SYNPO2L: variants seen among roughly 807,000 people sequenced by gnomAD.
The protein encoded by SYNPO2L is synaptopodin 2 like.
In SYNPO2L, 34 loss-of-function variants were observed where a neutral mutation model predicts 47.5. The observed-to-expected ratio is 0.72, with a 90% CI of 0.54 to 0.95. The LOEUF (loss-of-function observed/expected upper bound fraction) is 0.95, where lower values mean the gene tolerates loss of function less well. Among genes scored for constraint, SYNPO2L ranks in the 40% least tolerant of loss-of-function variants. The pLI, the probability that SYNPO2L is intolerant of heterozygous loss-of-function variation, is 0.00. For synonymous variants in SYNPO2L, 536 were observed against 524.9 expected, an observed-to-expected ratio of 1.02 and a Z score of -0.29; for missense variants, 1,246 against 1,282.0, an observed-to-expected ratio of 0.97 and a Z score of 0.43.
chr10:73,651,058 A>G, intron 3 of SYNPO2L: 1 of 1,565,738 alleles, frequency 6.4e-7, no homozygotes, highest in South Asian at 1.2e-5. Context: ...GCCACCCCCC[A>G]CGCCTTTTAA....
At position 73,648,857 on chromosome 10, in the gene SYNPO2L, G is replaced by C; in HGVS notation, c.795C>G (p.Leu265=). Residue 265 remains leucine (L), a synonymous_variant, in exon 4 of 4, where the codon CTC becomes CTG. Transcript: ENST00000394810. ...KQAKLQRAES[L]QEKSIKEAKT... Reference sequence around the variant, plus strand: ...TGGCCTCTTTTATGCTCTTCTCTTGGAGGCTCTCTGCACGTTGCAGTTCTG... The same window carrying C: ...TGGCCTCTTTTATGCTCTTCTCTTGCAGGCTCTCTGCACGTTGCAGTTCTG... The C allele has an allele frequency of 6.5e-7, 1 of 1,532,192 alleles. No homozygotes were observed. The highest frequency in any genetic ancestry group is 8.8e-7 in the Non-Finnish European group (1 of 1,140,110). 94.9% of individuals were successfully genotyped at this position (1,532,192 alleles called of 1,614,324 possible).
At position 73,650,922 on chromosome 10, in the gene SYNPO2L, T is replaced by G. The variant is rs1167028943; in HGVS notation, c.773-2043A>C. 4 of 1,612,844 alleles carry G rather than the reference T, an allele frequency of 2.5e-6. No homozygotes were observed. The South Asian group carries it at 4.4e-5, about 18-fold the overall frequency. On this transcript the variant is annotated intron_variant, in intron 3 of 3. Coordinates refer to ENST00000394810, the MANE Select transcript of SYNPO2L (RefSeq NM_001114133.3). ...GAGGGTAGTACCTGCATAGAACGAG[T>G]CTTGGAGCTCAGGAACTGGGTCTGG...
In SYNPO2L at chr10:73,646,667, CT is replaced by C; in HGVS notation, c.*50del. On this transcript the variant is annotated 3_prime_UTR_variant, in exon 4 of 4. Coordinates refer to ENST00000394810, the MANE Select transcript of SYNPO2L (RefSeq NM_001114133.3). ...GGATGGGATAGGGTAGGAGAAGCAA[CT>C]TTAGGAACTGGATGTTCCACCTCTC... is the stretch of plus-strand genomic sequence containing the variant. The C allele has an allele frequency of 7.1e-7, 1 of 1,407,386 alleles. No individual in the cohort carries two copies. Among genetic ancestry groups the C allele is most frequent in the Non-Finnish European group, 9.3e-7 (1 of 1,075,886 alleles). 87.2% of individuals were successfully genotyped at this position (1,407,386 alleles called of 1,614,324 possible).
rs753204129 is a variant in SYNPO2L, at chr10:73,650,806, AC to A, written c.773-1928del. The A allele has an allele frequency of 1.2e-3, 1,627 of 1,400,052 alleles. 5 individuals carry two copies. Among genetic ancestry groups the A allele is most frequent in the Admixed American group, 1.4e-3 (50 of 35,140 alleles). 86.7% of individuals were successfully genotyped at this position (1,400,052 alleles called of 1,614,324 possible). ...AGGAGGAAGAGGACAGCAAAAAGGAACAAGAGAGTAAGACCTTTCCCAAAGA... is the reference window on the plus strand; with the variant it reads ...AGGAGGAAGAGGACAGCAAAAAGGAAAAGAGAGTAAGACCTTTCCCAAAGA... On this transcript the variant is annotated intron_variant, in intron 3 of 3. Coordinates refer to ENST00000394810, the MANE Select transcript of SYNPO2L (RefSeq NM_001114133.3).
Position 73,648,200 on chromosome 10 carries a change from C to T in SYNPO2L, c.1452G>A (p.Ser484=). The T allele has an allele frequency of 6.4e-7, 1 of 1,573,540 alleles. No individual in the cohort carries two copies. Among genetic ancestry groups the T allele is most frequent in the Non-Finnish European group, 8.6e-7 (1 of 1,162,002 alleles). The part of the protein sequence containing the change: ...GLQGQRPTTT[S]VIFRPLAPKR... ...TGGGGGCTAAAGGCCGGAAAATAACCGAGGTGGTAGTTGGCCGCTGCCCTT... is the reference window on the plus strand; with the variant it reads ...TGGGGGCTAAAGGCCGGAAAATAACTGAGGTGGTAGTTGGCCGCTGCCCTT... The change falls in exon 4 of 4, where the codon TCG becomes TCA. Residue 484 remains serine, a synonymous_variant. Transcript: ENST00000394810.
Position 73,648,179 on chromosome 10 carries a change from G to T in SYNPO2L, c.1473C>A (p.Ala491=). The change falls in exon 4 of 4, where the codon GCC becomes GCA. Residue 491 remains alanine (A), a synonymous_variant. Coordinates refer to ENST00000394810, the MANE Select transcript of SYNPO2L (RefSeq NM_001114133.3). ...TTTSVIFRPL[A]PKRANDSLGG... ...CCAGGCTGTCGTTCGCCCTTTTGGG[G>T]GCTAAAGGCCGGAAAATAACCGAGG... is the stretch of plus-strand genomic sequence containing the variant. 6.4e-7 allele frequency: 1 copy of T among 1,564,210 alleles called. No homozygotes were observed. Among genetic ancestry groups the T allele is most frequent in the Non-Finnish European group, 8.6e-7 (1 of 1,157,196 alleles).
chr10:73,652,806 T>C (rs1431542007), intron 3 of SYNPO2L, among the ~76,000 whole-genome samples: 1 of 152,194 alleles, frequency 6.6e-6, no homozygotes, highest in Non-Finnish European at 1.5e-5. Context: ...TCCCCTGTCC[T>C]GTGTCTGTAC....
chr10:73,648,001 A>G lies in SYNPO2L; in HGVS notation c.1651T>C (p.Tyr551His), dbSNP rs1278187046. ...ACAGGCCGACTAGGGGCTGGGATGT[A>G]CAGGGAGCTGGTGGCTGTCACAGGG... ...SGPVTATSSL[Y>H]IPAPSRPVTP... Residue 551 changes from tyrosine to histidine, a missense_variant, in exon 4 of 4, where the codon TAC (tyrosine) becomes CAC (histidine). Physicochemically the swap from Tyr to His is moderately conservative, Grantham distance 83. Transcript: ENST00000394810. 3 of 1,575,542 alleles carry G rather than the reference A, an allele frequency of 1.9e-6. No homozygotes were observed. Among genetic ancestry groups the G allele is most frequent in the South Asian group, 2.4e-5 (2 of 84,868 alleles).
chr10:73,653,634 C>A lies in SYNPO2L; in HGVS notation c.277G>T (p.Val93Leu). The A allele has an allele frequency of 1.3e-6, 2 of 1,547,074 alleles. No individual in the cohort carries two copies. Among genetic ancestry groups the A allele is most frequent in the South Asian group, 2.4e-5 (2 of 83,802 alleles). The change falls in exon 3 of 4, where the codon GTG becomes TTG. Residue 93 changes from valine to leucine, a missense_variant. This residue lies in a region of SYNPO2L where 148 missense variants were observed against 204.8 expected (regional missense o/e 0.72). Transcript: ENST00000394810. ...AGCTCATGGGGAGATGGAGATTGCACAGGACCCTCGTCTGCTAACCTGGAT... is the reference window on the plus strand; with the variant it reads ...AGCTCATGGGGAGATGGAGATTGCAAAGGACCCTCGTCTGCTAACCTGGAT... ...TVQRLADEGP[V>L]QSPSPHELQV... is the part of the protein sequence containing the mutation.
chr10:73,647,235 C>T lies in SYNPO2L; in HGVS notation c.2417G>A (p.Arg806His), dbSNP rs1434540863. Residue 806 changes from arginine (R) to histidine (H), a missense_variant, in exon 4 of 4, where the codon CGT becomes CAT. Coordinates refer to ENST00000394810, the MANE Select transcript of SYNPO2L (RefSeq NM_001114133.3). The part of the protein sequence containing the change: ...PPSWKYSPNI[R>H]APPPIAYNPL... ...GTTGTAAGCAATAGGAGGCGGGGCA[C>T]GGATGTTGGGTGAATATTTCCAGGA... 1.2e-6 allele frequency: 2 copies of T among 1,613,740 alleles called. No homozygotes were observed. Among genetic ancestry groups the T allele is most frequent in the African/African-American group, 1.3e-5 (1 of 74,918 alleles).
chr10:73,653,182 T>C lies in SYNPO2L; in HGVS notation c.729A>G (p.Ala243=), dbSNP rs890259811. The change falls in exon 3 of 4, where the codon GCA becomes GCG. Residue 243 remains alanine (A), a synonymous_variant. Coordinates refer to ENST00000394810, the MANE Select transcript of SYNPO2L (RefSeq NM_001114133.3). ...GGGTGTAGGTGGTAGTAAGATCTTC[T>C]GCCACTGGGTGGGGAACAGGCCCCA... ...PMVGPVPHPV[A]EDLTTTYTQK... is the part of the protein sequence containing the mutation. 2.1e-6 allele frequency: 3 copies of C among 1,455,734 alleles called. No homozygotes were observed. Among genetic ancestry groups the C allele is most frequent in the Non-Finnish European group, 2.7e-6 (3 of 1,099,304 alleles). 90.2% of individuals were successfully genotyped at this position (1,455,734 alleles called of 1,614,324 possible). A position where few individuals can be genotyped will look rare whatever the true frequency, so the allele number is the denominator to read the frequency against.
At chr10:73,649,704 C>T (rs2081822586) in intron 3 of SYNPO2L, 14 of 985,340 alleles carry the variant, frequency 1.4e-5, no homozygotes, top group Non-Finnish European at 1.7e-5. Flanking sequence ...TTCCCAGAGA[C>T]CTCCCTGCAG....
rs1297626495 is a variant in SYNPO2L, at chr10:73,651,168, C to T, written c.772+1971G>A. ...CTTCTCTGGGCTGCCCCACAAGTGC[C>T]GGTGTGATGGATGTGGGCACCTGCC... is the stretch of plus-strand genomic sequence containing the variant. On this transcript the variant is annotated intron_variant, in intron 3 of 3. Coordinates refer to ENST00000394810, the MANE Select transcript of SYNPO2L (RefSeq NM_001114133.3). 4 of 1,129,698 alleles carry T rather than the reference C, an allele frequency of 3.5e-6. No individual in the cohort carries two copies. In the African/African-American group the frequency reaches 4.8e-5, roughly 13 times the overall value. The allele number at this position is 1,129,698 out of a possible 1,614,324, so 70.0% of individuals were successfully genotyped here.
rs979603450 is a variant in SYNPO2L, at chr10:73,655,923, C to T, written c.-1G>A. The T allele has an allele frequency of 1.4e-5, 22 of 1,550,464 alleles. No individual in the cohort carries two copies. Among genetic ancestry groups the T allele is most frequent in the Admixed American group, 5.9e-5 (3 of 50,810 alleles). ...CCAGCACCTCCTCCTCAGCACCCATCGCTCAGCTTGGCCTATGGCCCCCGG... is the reference window on the plus strand; with the variant it reads ...CCAGCACCTCCTCCTCAGCACCCATTGCTCAGCTTGGCCTATGGCCCCCGG... On this transcript the variant is annotated 5_prime_UTR_variant, in exon 1 of 4. Coordinates refer to ENST00000394810, the MANE Select transcript of SYNPO2L (RefSeq NM_001114133.3).
Position 73,648,643 on chromosome 10 carries a change from C to T in SYNPO2L, c.1009G>A (p.Glu337Lys). The change falls in exon 4 of 4, where the codon GAA (glutamate) becomes AAA (lysine). Residue 337 changes from glutamate (E) to lysine (K), a missense_variant. This residue lies in a region of SYNPO2L where 1,037 missense variants were observed against 1,021.5 expected (regional missense o/e 1.02). Transcript: ENST00000394810. ...VPPTSESELD[E>K]EAFSDARSLT... ...CTGCGGGCGTCAGAGAAGGCTTCTT[C>T]GTCCAGCTCGGACTCACTCGTGGGG... 6.2e-7 allele frequency: 1 copy of T among 1,613,598 alleles called. No individual in the cohort carries two copies. The highest frequency in any genetic ancestry group is 8.5e-7 in the Non-Finnish European group (1 of 1,179,516).
chr10:73,650,679 G>A (rs779029728), intron 3 of SYNPO2L: 463 of 984,958 alleles, frequency 4.7e-4, no homozygotes, highest in Non-Finnish European at 5.2e-4. Flanking sequence ...ACTCACACAC[G>A]CTCTGTTCCC....
rs1316485280 is a variant in SYNPO2L at position 73,648,468 on chromosome 10, C to A, written c.1184G>T (p.Arg395Leu). Residue 395 changes from arginine (R) to leucine (L), a missense_variant, in exon 4 of 4, where the codon CGC becomes CTC. Arg to Leu is a moderately radical substitution (Grantham distance 102). Around this residue, in one of 3 missense-constraint regions of SYNPO2L, gnomAD observed 1,037 missense variants for 1,021.5 expected, o/e 1.02. Transcript: ENST00000394810. ...CTGGGTGCTGGAGTCTGCGCGCTGG[C>A]GCTGCTGTTCAAAGAGCTGCACCCC... ...GRGVQLFEQQ[R>L]QRADSSTQEL... 3 of 1,611,946 alleles carry A rather than the reference C, an allele frequency of 1.9e-6. No individual in the cohort carries two copies. Among genetic ancestry groups the A allele is most frequent in the South Asian group, 2.2e-5 (2 of 91,088 alleles).
In SYNPO2L at chr10:73,653,332, G is replaced by A; in HGVS notation, c.579C>T (p.Ser193=). ...EPAPTIPGPP[S]QGDSRVSSPS... is the part of the protein sequence containing the mutation. ...GGGAGCTCACACGGCTGTCACCCTG[G>A]CTGGGAGGGCCAGGGATAGTAGGTG... Residue 193 remains serine, a synonymous_variant, in exon 3 of 4, where the codon AGC becomes AGT. Coordinates refer to ENST00000394810, the MANE Select transcript of SYNPO2L (RefSeq NM_001114133.3). 1 of 1,551,614 alleles carries A rather than the reference G, an allele frequency of 6.4e-7. No individual in the cohort carries two copies. Among genetic ancestry groups the A allele is most frequent in the Non-Finnish European group, 8.7e-7 (1 of 1,146,982 alleles).
At position 73,647,449 on chromosome 10, in the gene SYNPO2L, G is replaced by C. The variant is rs1042327624; in HGVS notation, c.2203C>G (p.Leu735Val). 1.0e-5 allele frequency: 16 copies of C among 1,605,712 alleles called. No homozygotes were observed. Among genetic ancestry groups the C allele is most frequent in the Non-Finnish European group, 1.3e-5 (15 of 1,174,044 alleles). ...VAPKPPSRGL[L>V]DGLVNGAASS... ...GCTGCCCCATTCACGAGCCCATCAAGGAGCCCTCGAGATGGGGGCTTAGGA... is the reference window on the plus strand; with the variant it reads ...GCTGCCCCATTCACGAGCCCATCAACGAGCCCTCGAGATGGGGGCTTAGGA... The change falls in exon 4 of 4, where the codon CTT becomes GTT. Residue 735 changes from leucine (L) to valine (V), a missense_variant. Leu to Val is a conservative substitution (Grantham distance 32, BLOSUM62 1). This residue lies in a region of SYNPO2L where 1,037 missense variants were observed against 1,021.5 expected (regional missense o/e 1.02). Transcript: ENST00000394810.
Sources: allele counts gnomAD v4.1 joint callset (sites outside exome capture counted in the v4.1 genomes callset), GRCh38; gene constraint gnomAD v4.1.1; regional missense constraint gnomAD v4.1.1; transcripts MANE v1.5; gene names NCBI Gene and HGNC (gene_info 2026-07-23, HGNC 2026-07-21).